PLXNA2: variants seen among roughly 807,000 people sequenced by gnomAD.
PLXNA2 encodes the protein plexin-A2.
In PLXNA2, 91 loss-of-function variants were observed where a neutral mutation model predicts 193.5. That is an observed-to-expected ratio of 0.47 (90% CI 0.40 to 0.56). The LOEUF (loss-of-function observed/expected upper bound fraction) is 0.56, where lower values mean the gene tolerates loss of function less well. Among genes scored for constraint, PLXNA2 ranks in the 20% least tolerant of loss-of-function variants. The probability of loss-of-function intolerance (pLI) is 0.00; values close to 1 mark genes in which losing one functional copy is unlikely to be tolerated. For synonymous variants in PLXNA2, 997 were observed against 1,027.3 expected (o/e 0.97, Z 0.56); for missense variants, 1,995 against 2,503.2 (o/e 0.80, Z 4.33).
intron 1 of PLXNA2, among the ~76,000 whole-genome samples, chr1:208,221,693 T>C (rs921386212): frequency 2.0e-5 from 3 of 152,098 alleles, no homozygotes; most frequent in African/African-American, 4.8e-5. Context: ...CTATGCCAAA[T>C]TGATGTGACT....
At chr1:208,054,061 T>A (rs1320833672) in intron 14 of PLXNA2, among the ~76,000 whole-genome samples, 1 of 152,318 alleles carries the variant, frequency 6.6e-6, no homozygotes, top group East Asian at 1.9e-4. Context: ...TGCATCCTCA[T>A]TAGGCTAGAA....
rs568325214 is a variant in PLXNA2 at position 208,038,529 on chromosome 1, C to T, written c.4661-55G>A. On this transcript the variant is annotated intron_variant, in intron 25 of 31. Transcript: ENST00000367033. This position sits in a 1 kb window ranked among gnomAD's most constrained non-coding sequence, Gnocchi z 4.1. ...CGTGAGAGGGATGAGGGCTGTGAGC[C>T]AGTGTCTCCCGATTGCACCTTCTCT... The T allele has an allele frequency of 8.6e-6, 12 of 1,391,324 alleles. No homozygotes were observed. The African/African-American group carries it at 1.6e-4, about 18-fold the overall frequency. 86.2% of individuals were successfully genotyped at this position (1,391,324 alleles called of 1,614,324 possible). A position where few individuals can be genotyped will look rare whatever the true frequency, so the allele number is the denominator to read the frequency against.
chr1:208,028,982 G>T lies in PLXNA2; in HGVS notation c.5286C>A (p.His1762Gln), dbSNP rs371806936. ...GGCAGGCGTCCGTGATGCTGCCCTTGTGGATGTCAAACACGAACTGGGGGT... is the reference window on the plus strand; with the variant it reads ...GGCAGGCGTCCGTGATGCTGCCCTTTTGGATGTCAAACACGAACTGGGGGT... ...IKNPQFVFDI[H>Q]KGSITDACLS... is the part of the protein sequence containing the mutation. The change falls in exon 30 of 32, where the codon CAC becomes CAA. Residue 1762 changes from histidine (H) to glutamine (Q), a missense_variant. By Grantham distance (24) the His-to-Gln change is conservative. Coordinates refer to ENST00000367033, the MANE Select transcript of PLXNA2 (RefSeq NM_025179.4). This position sits in a 1 kb window ranked among gnomAD's most constrained non-coding sequence, Gnocchi z 4.2. The T allele has an allele frequency of 3.7e-6, 6 of 1,613,968 alleles. No homozygotes were observed. Among genetic ancestry groups the T allele is most frequent in the Non-Finnish European group, 5.1e-6 (6 of 1,180,014 alleles).
Position 208,210,402 on chromosome 1 carries a change from T to G in PLXNA2, c.1249A>C (p.Thr417Pro), listed in dbSNP as rs1165981785. The change falls in exon 3 of 32, where the codon ACT becomes CCT. Residue 417 changes from threonine to proline, a missense_variant. By Grantham distance (38) the Thr-to-Pro change is conservative. This residue lies in a region of PLXNA2 where 702 missense variants were observed against 812.9 expected (regional missense o/e 0.86). Coordinates refer to ENST00000367033, the MANE Select transcript of PLXNA2 (RefSeq NM_025179.4). ...TACAGGGTCAGGCCCTCCACTGGAG[T>G]TGAGCCTCCCAGGGGCTGGTTGATG... is the stretch of plus-strand genomic sequence containing the variant. ...LDINQPLGGS[T>P]PVEGLTLYTT... 1 of 1,613,826 alleles carries G rather than the reference T, an allele frequency of 6.2e-7. No individual in the cohort carries two copies. The highest frequency in any genetic ancestry group is 2.2e-5 in the East Asian group (1 of 44,850).
chr1:208,051,660 T>C (rs1289582423), intron 15 of PLXNA2, among the ~76,000 whole-genome samples: 1 of 152,182 alleles, frequency 6.6e-6, no homozygotes, highest in African/African-American at 2.4e-5. Flanking sequence ...GGATAGGGTT[T>C]CATGGGCTTC....
chr1:208,144,732 T>C (rs142810281), intron 3 of PLXNA2, among the ~76,000 whole-genome samples: 9 of 152,314 alleles, frequency 5.9e-5, no homozygotes, highest in Non-Finnish European at 1.0e-4. Flanking sequence ...CTTTCCCCTA[T>C]GCTCCGCTCT....
chr1:208,188,830 A>T (rs182175753), intron 3 of PLXNA2, among the ~76,000 whole-genome samples: 17 of 152,318 alleles, frequency 1.1e-4, no homozygotes, highest in Non-Finnish European at 1.8e-4. Flanking sequence ...GTAAAGTTGG[A>T]TCTTCTGGAC....
chr1:208,040,342 G>A, intron 22 of PLXNA2: 4 of 473,246 alleles, frequency 8.5e-6, no homozygotes, highest in Non-Finnish European at 1.5e-5. Context: ...TCTGAGACAG[G>A]GTCTGTGGAT....
chr1:208,142,594 T>A, intron 3 of PLXNA2, 131 bp from the exon 4 acceptor site: 1 of 852,098 alleles, frequency 1.2e-6, no homozygotes, highest in South Asian at 2.4e-5. Context: ...TAGACTGAAG[T>A]GCCACTTCTT....
chr1:208,096,788 G>C lies in PLXNA2; in HGVS notation c.1827C>G (p.Ser609Arg). 9 of 1,614,090 alleles carry C rather than the reference G, an allele frequency of 5.6e-6. No homozygotes were observed. The highest frequency in any genetic ancestry group is 7.6e-6 in the Non-Finnish European group (9 of 1,180,022). The change falls in exon 7 of 32, where the codon AGC becomes AGG. Residue 609 changes from serine to arginine, a missense_variant. Ser to Arg is a moderately radical substitution (Grantham distance 110). Coordinates refer to ENST00000367033, the MANE Select transcript of PLXNA2 (RefSeq NM_025179.4). ...LTEVEGQVSG[S>R]QVICISPGPK... ...GCCCAGGTGAGATGCAGATGACCTG[G>C]CTCCCGGACACCTGCCCCTCCACCT...
At chr1:208,090,363 T>G (rs1415116565) in intron 9 of PLXNA2, among the ~76,000 whole-genome samples, 1 of 152,306 alleles carries the variant, frequency 6.6e-6, no homozygotes, top group East Asian at 1.9e-4. Flanking sequence ...GGGGAGTCTC[T>G]GAGTTTGCCC....
intron 28 of PLXNA2, chr1:208,032,108 C>G: frequency 1.0e-6 from 1 of 985,426 alleles, no homozygotes; most frequent in Non-Finnish European, 1.2e-6. Context: ...AGTCCGGAAA[C>G]AGTGTCCGAG....
Position 208,041,347 on chromosome 1 carries a change from C to T in PLXNA2, c.4286+751G>A, listed in dbSNP as rs73083023. The stretch of plus-strand genomic sequence containing the variant: ...GACTCCAAAGCTGTGCCCGGCTCCC[C>T]ACGGCCTCTAGAGAGGGTGGGCTCA... On this transcript the variant is annotated intron_variant, in intron 22 of 31. Coordinates refer to ENST00000367033, the MANE Select transcript of PLXNA2 (RefSeq NM_025179.4). Among the ~76,000 whole-genome samples the T allele has an allele frequency of 5.0e-3, 764 of 152,286 alleles. 9 individuals carry two copies. Among genetic ancestry groups the T allele is most frequent in the African/African-American group, 0.018 (740 of 41,552 alleles).
At chr1:208,124,966 G>A (rs1191178002) in intron 4 of PLXNA2, among the ~76,000 whole-genome samples, 1 of 152,124 alleles carries the variant, frequency 6.6e-6, no homozygotes, top group Non-Finnish European at 1.5e-5. Flanking sequence ...TGACATTCGG[G>A]TATAAACACT....
At chr1:208,086,948 A>ACT (rs59683728) in intron 9 of PLXNA2, among the ~76,000 whole-genome samples, 17,112 of 133,816 alleles carry the variant, frequency 0.13, 1,097 homozygotes, top group East Asian at 0.27. Flanking sequence ...TCTCTCTCGC[A>ACT]CTCTCTCTCT....
chr1:208,054,550 G>A lies in PLXNA2; in HGVS notation c.2739-12C>T, dbSNP rs1665365578. 1.3e-6 allele frequency: 2 copies of A among 1,597,118 alleles called. No homozygotes were observed. Among genetic ancestry groups the A allele is most frequent in the Non-Finnish European group, 1.7e-6 (2 of 1,164,800 alleles). ...TCTCACAGACAATCCTGGGGAGAAA[G>A]CAAACCTTCTGGTGAGGGACTGGGC... On this transcript the variant is annotated splice_polypyrimidine_tract_variant and intron_variant, in intron 13 of 31. Coordinates refer to ENST00000367033, the MANE Select transcript of PLXNA2 (RefSeq NM_025179.4).
intron 4 of PLXNA2, among the ~76,000 whole-genome samples, chr1:208,108,694 C>T (rs1346717403): frequency 6.6e-6 from 1 of 152,188 alleles, no homozygotes; most frequent in Admixed American, 6.5e-5. Context: ...GTACTCAACC[C>T]TCTGTTAGGC....
Position 208,100,707 on chromosome 1 carries a change from TGAGACAGA to T in PLXNA2, c.1608-1746_1608-1739del, listed in dbSNP as rs535526773. Among the ~76,000 whole-genome samples the T allele has an allele frequency of 1.7e-3, 264 of 152,344 alleles. 7 individuals are homozygous for T. The South Asian group carries it at 0.041, about 23-fold the overall frequency. On this transcript the variant is annotated intron_variant, in intron 5 of 31. Transcript: ENST00000367033. ...ATGTTTGTGTCACGAAATAATGCCTTGAGACAGAGAGACAGACAAGGCGCTGCAGCCAG... is the reference window on the plus strand; with the variant it reads ...ATGTTTGTGTCACGAAATAATGCCTTGAGACAGACAAGGCGCTGCAGCCAG...
intron 13 of PLXNA2, among the ~76,000 whole-genome samples, chr1:208,056,359 C>G (rs1225708094): frequency 6.6e-6 from 1 of 152,162 alleles, no homozygotes; most frequent in African/African-American, 2.4e-5. Context: ...GGACACTCTG[C>G]TGGAGTGATC....
Sources: gnomAD v4.1 joint callset for allele counts (sites outside exome capture counted in the v4.1 genomes callset) on GRCh38, gnomAD v4.1.1 for gene constraint, gnomAD v4.1.1 regional missense constraint, Gnocchi (gnomAD v3.1) non-coding constraint, MANE v1.5 for transcripts, NCBI Gene and HGNC (gene_info 2026-07-23, HGNC 2026-07-21) for gene names.